RIT2: variants seen among roughly 807,000 people sequenced by gnomAD.
The protein encoded by RIT2 is Ras like without CAAX 2.
RIT2 carries 24 observed loss-of-function variants against 23.7 expected under a neutral mutation model. The ratio of observed to expected loss-of-function variants is 1.01; its 90% CI spans 0.73 to 1.43. RIT2 has a LOEUF of 1.43. Among genes scored for constraint, RIT2 ranks in the 40% most tolerant of loss-of-function variants. RIT2 has a pLI of 0.00. For missense variants in RIT2, 236 were observed against 266.9 expected (o/e 0.88, Z 0.81); for synonymous variants, 107 against 91.1 (o/e 1.17, Z -0.99).
chr18:42,883,655 A>C (rs746645128), intron 4 of RIT2, among the ~76,000 whole-genome samples: 3 of 152,162 alleles, frequency 2.0e-5, no homozygotes, highest in Non-Finnish European at 4.4e-5. Flanking sequence ...TAATCCTTTG[A>C]AGTAACATTT....
At chr18:42,766,088 G>T (rs893498680) in intron 4 of RIT2, among the ~76,000 whole-genome samples, 9 of 152,020 alleles carry the variant, frequency 5.9e-5, no homozygotes, top group Non-Finnish European at 1.2e-4. Flanking sequence ...CATTGAAAAC[G>T]AACTAATACA....
At position 42,986,224 on chromosome 18, in the gene RIT2, A is replaced by G. The variant is rs1157544198; in HGVS notation, c.161-12077T>C. 2.0e-5 allele frequency among the ~76,000 whole-genome samples: 3 copies of G among 151,858 alleles called. No homozygotes were observed. The South Asian group carries it at 6.2e-4, about 32-fold the overall frequency. On this transcript the variant is annotated intron_variant, in intron 2 of 4. Transcript: ENST00000326695. ...CTGGCTAATTTTTGTAATTTTTAGT[A>G]GAGATGGGGTTTCACCATGTTAGCC...
intron 1 of RIT2, among the ~76,000 whole-genome samples, chr18:43,080,595 T>C (rs964868098): frequency 5.9e-5 from 9 of 152,222 alleles, no homozygotes; most frequent in African/African-American, 2.2e-4. Context: ...TTGTTTTGTT[T>C]TGTTTTTACA....
At chr18:42,764,879 A>C (rs1567990756) in intron 4 of RIT2, among the ~76,000 whole-genome samples, 1 of 152,236 alleles carries the variant, frequency 6.6e-6, no homozygotes, top group Non-Finnish European at 1.5e-5. Context: ...TTTGTGATGC[A>C]GTCTTACTTA....
intron 4 of RIT2, among the ~76,000 whole-genome samples, chr18:42,804,034 CTTA>C (rs1210348054): frequency 6.6e-6 from 1 of 152,158 alleles, no homozygotes; most frequent in African/African-American, 2.4e-5. Flanking sequence ...TTGACACATA[CTTA>C]TTAGTGAATG....
At chr18:43,071,741 G>A (rs1912902046) in intron 1 of RIT2, among the ~76,000 whole-genome samples, 1 of 152,032 alleles carries the variant, frequency 6.6e-6, no homozygotes, top group African/African-American at 2.4e-5. Flanking sequence ...ATTTTAATAT[G>A]ATTGGTTTTC....
intron 2 of RIT2, among the ~76,000 whole-genome samples, chr18:43,020,680 C>T (rs563176790): frequency 5.2e-4 from 79 of 152,052 alleles, no homozygotes; most frequent in African/African-American, 1.8e-3. Context: ...TCCAAGGAAG[C>T]AAAATGGAGC....
intron 3 of RIT2, among the ~76,000 whole-genome samples, chr18:42,951,929 A>G (rs1356187231): frequency 5.3e-5 from 8 of 152,156 alleles, no homozygotes; most frequent in East Asian, 1.9e-4. Context: ...CCTCACAATC[A>G]TGGCTAAAGG....
At chr18:42,795,269 G>C (rs142261930) in intron 4 of RIT2, among the ~76,000 whole-genome samples, 2 of 152,314 alleles carry the variant, frequency 1.3e-5, no homozygotes, top group South Asian at 2.1e-4. Context: ...AGCAGGAACC[G>C]GGGCTGCGTG....
chr18:43,001,747 A>T (rs1473386080), intron 2 of RIT2, among the ~76,000 whole-genome samples: 1 of 152,026 alleles, frequency 6.6e-6, no homozygotes, highest in Non-Finnish European at 1.5e-5. Flanking sequence ...TCTTTACGTT[A>T]TTAACCCTCT....
At chr18:42,991,860 C>A (rs1161920448) in intron 2 of RIT2, among the ~76,000 whole-genome samples, 3 of 152,082 alleles carry the variant, frequency 2.0e-5, no homozygotes. Context: ...CCTTCGCTGA[C>A]TCTCTTTTCG....
intron 4 of RIT2, among the ~76,000 whole-genome samples, chr18:42,850,337 T>G (rs1331185699): frequency 6.6e-6 from 1 of 152,202 alleles, no homozygotes; most frequent in Non-Finnish European, 1.5e-5. Context: ...TCACTCAGTT[T>G]CACCATTACC....
intron 1 of RIT2, among the ~76,000 whole-genome samples, chr18:43,111,512 T>C (rs1335850366): frequency 1.3e-5 from 2 of 152,182 alleles, no homozygotes; most frequent in African/African-American, 4.8e-5. Flanking sequence ...TACCCTGATG[T>C]GATTATTATA....
intron 1 of RIT2, among the ~76,000 whole-genome samples, chr18:43,057,042 C>T (rs1912519150): frequency 9.3e-6 from 1 of 107,020 alleles, no homozygotes; most frequent in African/African-American, 3.9e-5. Flanking sequence ...CAAGTCTAAC[C>T]ATTAGTCGGG....
At chr18:42,754,550 C>T (rs1350074583) in intron 4 of RIT2, among the ~76,000 whole-genome samples, 1 of 152,164 alleles carries the variant, frequency 6.6e-6, no homozygotes, top group Non-Finnish European at 1.5e-5. Context: ...TCTTTACAGA[C>T]AGTGCAGTCA....
intron 4 of RIT2, among the ~76,000 whole-genome samples, chr18:42,837,057 C>T (rs1906624429): frequency 6.6e-6 from 1 of 151,040 alleles, no homozygotes; most frequent in South Asian, 2.1e-4. Flanking sequence ...ACCCACATCA[C>T]ATCAAGCGCT....
chr18:42,888,212 G>A (rs1205122636), intron 4 of RIT2, among the ~76,000 whole-genome samples: 5 of 151,974 alleles, frequency 3.3e-5, no homozygotes, highest in Non-Finnish European at 1.5e-5. Context: ...TACCACTGTG[G>A]CGGGGGATTT....
At chr18:43,053,038 T>G (rs1297653197) in intron 1 of RIT2, among the ~76,000 whole-genome samples, 1 of 152,024 alleles carries the variant, frequency 6.6e-6, no homozygotes, top group East Asian at 1.9e-4. Flanking sequence ...GAAACACTAT[T>G]TGAATCCAGT....
chr18:42,754,681 A>G (rs1913120427), intron 4 of RIT2, among the ~76,000 whole-genome samples: 1 of 152,132 alleles, frequency 6.6e-6, no homozygotes, highest in Non-Finnish European at 1.5e-5. Flanking sequence ...CAGAAATCAT[A>G]TTTTGTCTTA....
Sources: gnomAD v4.1 joint callset for allele counts (sites outside exome capture counted in the v4.1 genomes callset) on GRCh38, gnomAD v4.1.1 for gene constraint, MANE v1.5 for transcripts, NCBI Gene and HGNC (gene_info 2026-07-23, HGNC 2026-07-21) for gene names.